Variants in SHISA9 observed in about 807,000 individuals in gnomAD.
SHISA9 encodes the protein protein shisa-9.
A neutral mutation model predicts 38.0 loss-of-function variants in SHISA9; 13 were observed. The ratio of observed to expected loss-of-function variants is 0.34; its 90% CI spans 0.22 to 0.54. The LOEUF (loss-of-function observed/expected upper bound fraction) is 0.54. Among genes scored for constraint, SHISA9 ranks in the 20% least tolerant of loss-of-function variants. The probability of loss-of-function intolerance (pLI) is 0.91; values close to 1 mark genes in which losing one functional copy is unlikely to be tolerated. For synonymous variants in SHISA9, 275 were observed against 242.0 expected (o/e 1.14, Z -1.27); for missense variants, 538 against 575.8 (o/e 0.93, Z 0.67).
chr16:13,098,473 C>A (rs1187765532), intron 2 of SHISA9, among the ~76,000 whole-genome samples: 1 of 152,172 alleles, frequency 6.6e-6, no homozygotes, highest in Non-Finnish European at 1.5e-5. Context: ...GTCTTGCTGG[C>A]CCTGTGTTTT....
chr16:13,082,694 G>A (rs1459917880), intron 2 of SHISA9, among the ~76,000 whole-genome samples: 2 of 152,136 alleles, frequency 1.3e-5, no homozygotes, highest in African/African-American at 2.4e-5. Flanking sequence ...ATGAGAAGCA[G>A]ATTATGATTG....
chr16:13,524,830 G>A, the SHISA9 span, among the ~76,000 whole-genome samples: 1 of 151,930 alleles, frequency 6.6e-6, no homozygotes. Flanking sequence ...GCCTCCCAAA[G>A]TGGGCAGGAT....
intron 2 of SHISA9, among the ~76,000 whole-genome samples, chr16:13,053,146 A>G (rs927924032): frequency 6.6e-6 from 1 of 151,824 alleles, no homozygotes; most frequent in Non-Finnish European, 1.5e-5. Flanking sequence ...TATTTTTAGT[A>G]GAGATGGGGT....
chr16:13,482,437 C>A, the SHISA9 span, among the ~76,000 whole-genome samples: 1 of 152,228 alleles, frequency 6.6e-6, no homozygotes, highest in Non-Finnish European at 1.5e-5. Context: ...TCACCCTTTT[C>A]TCATAACAAC....
intron 3 of SHISA9, among the ~76,000 whole-genome samples, chr16:13,207,550 C>A (rs1453285399): frequency 3.3e-5 from 5 of 151,966 alleles, no homozygotes; most frequent in African/African-American, 7.3e-5. Context: ...ACGTGGGACA[C>A]CTTCCCCAGT....
At chr16:13,032,580 A>G (rs1269476770) in intron 2 of SHISA9, among the ~76,000 whole-genome samples, 2 of 152,200 alleles carry the variant, frequency 1.3e-5, no homozygotes, top group Non-Finnish European at 2.9e-5. Flanking sequence ...ATTTTTAGAA[A>G]TGTGTATGTT....
chr16:13,174,322 G>T (rs2050713248), intron 2 of SHISA9, among the ~76,000 whole-genome samples: 1 of 152,128 alleles, frequency 6.6e-6, no homozygotes, highest in Admixed American at 6.5e-5. Context: ...TGGGAACCCA[G>T]ATATTCCTCC....
the SHISA9 span, among the ~76,000 whole-genome samples, chr16:13,523,711 C>G: frequency 6.6e-6 from 1 of 152,140 alleles, no homozygotes; most frequent in African/African-American, 2.4e-5. Context: ...TAGTGCTAAG[C>G]CATTTATGAG....
At chr16:13,260,374 C>T in the SHISA9 span, among the ~76,000 whole-genome samples, 17 of 152,054 alleles carry the variant, frequency 1.1e-4, 1 homozygote, top group Non-Finnish European at 2.5e-4. Context: ...TTAAGCTCTG[C>T]TTCCCTTATA....
intron 2 of SHISA9, among the ~76,000 whole-genome samples, chr16:13,090,832 G>A (rs1029065684): frequency 3.3e-5 from 5 of 152,220 alleles, no homozygotes; most frequent in Admixed American, 6.5e-5. Context: ...ATTTGATCCT[G>A]TCATTATGAT....
the SHISA9 span, among the ~76,000 whole-genome samples, chr16:13,442,179 T>C: frequency 2.4e-4 from 36 of 152,366 alleles, no homozygotes; most frequent in East Asian, 6.6e-3. Context: ...GTTTTGTTGT[T>C]GATGTTTCTT....
At chr16:13,081,665 T>C (rs2073651253) in intron 2 of SHISA9, among the ~76,000 whole-genome samples, 1 of 152,026 alleles carries the variant, frequency 6.6e-6, no homozygotes, top group South Asian at 2.1e-4. Context: ...GGAATGGATC[T>C]CAGGATATTT....
chr16:13,022,593 G>C (rs1412154441), intron 2 of SHISA9, among the ~76,000 whole-genome samples: 1 of 152,000 alleles, frequency 6.6e-6, no homozygotes, highest in Non-Finnish European at 1.5e-5. Flanking sequence ...GGGCCTCCCA[G>C]AGTGCTGGGA....
the SHISA9 span, among the ~76,000 whole-genome samples, chr16:13,405,750 G>A: frequency 1.3e-5 from 2 of 152,050 alleles, no homozygotes; most frequent in African/African-American, 4.8e-5. Context: ...CTGTTTTAAT[G>A]CACTTAGGAT....
chr16:13,055,007 T>A (rs1303004378), intron 2 of SHISA9, among the ~76,000 whole-genome samples: 1 of 152,204 alleles, frequency 6.6e-6, no homozygotes, highest in Non-Finnish European at 1.5e-5. Context: ...CAAACCCCTT[T>A]GTCCTACAAT....
chr16:13,076,804 G>A (rs948400676), intron 2 of SHISA9, among the ~76,000 whole-genome samples: 2 of 152,166 alleles, frequency 1.3e-5, no homozygotes, highest in African/African-American at 4.8e-5. Context: ...CACCTCCACA[G>A]ATGAATAGCT....
chr16:13,087,953 A>G (rs2073732014), intron 2 of SHISA9, among the ~76,000 whole-genome samples: 3 of 152,276 alleles, frequency 2.0e-5, no homozygotes, highest in African/African-American at 7.2e-5. Context: ...TTATGGTTTT[A>G]GGTCTAACAT....
In SHISA9 at chr16:12,955,531, T is replaced by G. The variant is rs542114555; in HGVS notation, c.691+38716T>G. Reference sequence around the variant, plus strand: ...TTATTATAGGCCAAAAAAAAAAATGTGAGCATGGTACTGGTACAAAAATAG... The same window carrying G: ...TTATTATAGGCCAAAAAAAAAAATGGGAGCATGGTACTGGTACAAAAATAG... On this transcript the variant is annotated intron_variant, in intron 2 of 4. Coordinates refer to ENST00000558583, the MANE Select transcript of SHISA9 (RefSeq NM_001145204.3). 3.3e-4 allele frequency among the ~76,000 whole-genome samples: 50 copies of G among 150,120 alleles called. No individual in the cohort carries two copies. In the East Asian group the frequency reaches 6.2e-3, roughly 19 times the overall value.
the SHISA9 span, among the ~76,000 whole-genome samples, chr16:13,451,010 C>T: frequency 6.6e-6 from 1 of 152,152 alleles, no homozygotes; most frequent in South Asian, 2.1e-4. Flanking sequence ...CACAACTGTT[C>T]ACCTAAAGAC....
Sources: gnomAD v4.1 joint callset for allele counts (sites outside exome capture counted in the v4.1 genomes callset) on GRCh38, gnomAD v4.1.1 for gene constraint, MANE v1.5 for transcripts, NCBI Gene and HGNC (gene_info 2026-07-23, HGNC 2026-07-21) for gene names.